ATP11C: variants seen among roughly 807,000 people sequenced by gnomAD.
ATP11C encodes the protein ATPase phospholipid transporting 11C (ATP11C blood group).
A neutral mutation model predicts 97.4 loss-of-function variants in ATP11C; 36 were observed. The ratio of observed to expected loss-of-function variants is 0.37; its 90% CI spans 0.28 to 0.49. ATP11C has a LOEUF of 0.49. Ranked by LOEUF, ATP11C falls within the 20% of genes least tolerant of loss-of-function variation. The pLI is 0.98. For missense variants in ATP11C, 730 were observed against 824.6 expected (o/e 0.89, Z 1.40); for synonymous variants, 275 against 290.9 (o/e 0.95, Z 0.56).
intron 1 of ATP11C, among the ~76,000 whole-genome samples, chrX:139,837,406 G>A (rs1427473015): frequency 8.9e-6 from 1 of 112,045 alleles, no homozygotes; most frequent in Admixed American, 9.4e-5. Context: ...TCAGTGGAAT[G>A]CAAGCAGCTT....
intron 1 of ATP11C, among the ~76,000 whole-genome samples, chrX:139,846,132 G>C (rs910467278): frequency 6.2e-5 from 7 of 112,277 alleles, no homozygotes; most frequent in Admixed American, 2.8e-4. Context: ...CCTCTTGTAT[G>C]AATCCAGGTA....
At chrX:139,861,769 TACACACACACAC>T (rs5904005) in intron 1 of ATP11C, among the ~76,000 whole-genome samples, 1 of 101,316 alleles carries the variant, frequency 9.9e-6, no homozygotes. Flanking sequence ...AATCCTGTTA[TACACACACACAC>T]ACACACACAC....
In ATP11C at chrX:139,799,947, C is replaced by T. The variant is rs1603374839; in HGVS notation, c.710+113G>A. On this transcript the variant is annotated intron_variant, in intron 8 of 29. Transcript: ENST00000682941. ...GATTACAGGCGTGAGCTACCGCACC[C>T]GGCCTATATTCCTTTCTATAATAGA... 1.0e-5 allele frequency: 7 copies of T among 669,168 alleles called. No individual in the cohort carries two copies. In the African/African-American group the frequency reaches 1.1e-4, roughly 11 times the overall value. 55.1% of individuals were successfully genotyped at this position (669,168 alleles called of 1,213,427 possible).
At chrX:139,764,313 T>C (rs2082093753) in intron 20 of ATP11C, among the ~76,000 whole-genome samples, 1 of 112,890 alleles carries the variant, frequency 8.9e-6, no homozygotes, top group Non-Finnish European at 1.9e-5. Flanking sequence ...CAGAAAGATG[T>C]CCAAGATATG....
At chrX:139,756,968 T>TAAAAAAAA (rs756085784) in intron 23 of ATP11C, among the ~76,000 whole-genome samples, 4 of 37,262 alleles carry the variant, frequency 1.1e-4, no homozygotes, top group African/African-American at 1.9e-4. Flanking sequence ...AACCTAAAAG[T>TAAAAAAAA]AAAAAAAAAA....
rs1603366435 is a variant in ATP11C, at chrX:139,787,487, A to G, written c.1521-243T>C. On this transcript the variant is annotated intron_variant, in intron 14 of 29. Transcript: ENST00000682941. ...TGATTTTTGTATTTTTAGTAGAGACAGAGTTTCACCATGTTGGCCAGGCTG... is the reference window on the plus strand; with the variant it reads ...TGATTTTTGTATTTTTAGTAGAGACGGAGTTTCACCATGTTGGCCAGGCTG... 6.3e-5 allele frequency among the ~76,000 whole-genome samples: 7 copies of G among 111,388 alleles called. No homozygotes were observed. The South Asian group carries it at 2.3e-3, about 36-fold the overall frequency.
At chrX:139,783,957 G>A (rs186521559) in intron 16 of ATP11C, among the ~76,000 whole-genome samples, 51 of 111,827 alleles carry the variant, frequency 4.6e-4, no homozygotes, top group African/African-American at 1.7e-3. Flanking sequence ...CAAACAAGCT[G>A]AAATAATTTT....
intron 1 of ATP11C, among the ~76,000 whole-genome samples, chrX:139,874,110 T>C (rs965431329): frequency 9.3e-6 from 1 of 107,340 alleles, no homozygotes; most frequent in Non-Finnish European, 1.9e-5. Context: ...TGGCACGATC[T>C]CGGCTCACTG....
chrX:139,765,600 A>G (rs891039061), intron 20 of ATP11C, among the ~76,000 whole-genome samples: 1 of 112,220 alleles, frequency 8.9e-6, no homozygotes, highest in African/African-American at 3.2e-5. Context: ...GAAAGAAAGA[A>G]AGGAGTATTC....
intron 2 of ATP11C, among the ~76,000 whole-genome samples, chrX:139,824,122 C>CAA (rs1453537912): frequency 1.8e-5 from 1 of 56,605 alleles, no homozygotes; most frequent in Non-Finnish European, 3.2e-5. Flanking sequence ...ACTAAAAATA[C>CAA]CAAAAAAAAA....
rs143609228 is a variant in ATP11C at position 139,803,413 on chromosome X, C to A, written c.555+1058G>T. The stretch of plus-strand genomic sequence containing the variant: ...AGATGGAATAAACAAACAGAGGAGC[C>A]CTCCAAGGACATACCCAGAGGTGAG... On this transcript the variant is annotated intron_variant, in intron 6 of 29. Coordinates refer to ENST00000682941, the MANE Select transcript of ATP11C (RefSeq NM_001353812.2). Among the ~76,000 whole-genome samples the A allele has an allele frequency of 5.5e-4, 61 of 110,845 alleles. No individual in the cohort carries two copies. The East Asian group carries it at 0.014, about 25-fold the overall frequency.
chrX:139,780,939 G>A (rs1442538606), intron 18 of ATP11C, among the ~76,000 whole-genome samples: 1 of 111,383 alleles, frequency 9.0e-6, no homozygotes, highest in Non-Finnish European at 1.9e-5. Context: ...GAAGACGGGA[G>A]GGGAGTGAGG....
chrX:139,804,464 C>A lies in ATP11C; in HGVS notation c.555+7G>T. 1 of 1,201,205 alleles carries A rather than the reference C, an allele frequency of 8.3e-7. No homozygotes were observed. On this transcript the variant is annotated splice_region_variant and intron_variant, in intron 6 of 29. Transcript: ENST00000682941. ...TCAAAATGTTTAGGCAAGGTTTAGTCTGTTACCTTGCAATTGGATTCCCCA... is the reference window on the plus strand; with the variant it reads ...TCAAAATGTTTAGGCAAGGTTTAGTATGTTACCTTGCAATTGGATTCCCCA...
At chrX:139,792,170 T>C (rs1476819808) in intron 12 of ATP11C, among the ~76,000 whole-genome samples, 1 of 109,955 alleles carries the variant, frequency 9.1e-6, no homozygotes, top group African/African-American at 3.3e-5. Flanking sequence ...TAATCAATCA[T>C]CCCCACATAA....
intron 1 of ATP11C, among the ~76,000 whole-genome samples, chrX:139,930,363 TAA>T (rs113839593): frequency 1.1e-5 from 1 of 94,377 alleles, no homozygotes; most frequent in Admixed American, 1.2e-4. Context: ...TTCAAATCCT[TAA>T]AAAAAAAAAA....
chrX:139,775,016 C>T, intron 18 of ATP11C, 63 bp from the exon 19 acceptor site: 1 of 1,074,550 alleles, frequency 9.3e-7, no homozygotes, highest in Non-Finnish European at 1.2e-6. Flanking sequence ...TACAGGAAGG[C>T]TTATTAAAGA....
rs565914073 is a variant in ATP11C, at chrX:139,885,046, GA to G, written c.27+46969del. 2.7e-5 allele frequency among the ~76,000 whole-genome samples: 3 copies of G among 111,092 alleles called. No homozygotes were observed. In the South Asian group the frequency reaches 1.1e-3, roughly 43 times the overall value. On this transcript the variant is annotated intron_variant, in intron 1 of 29. Transcript: ENST00000682941. ...ATGGCAAAGCTGAGATACAAATCAC[GA>G]TATCTAAAAGCCCAGATTTTAGATG... is the stretch of plus-strand genomic sequence containing the variant.
At chrX:139,877,508 A>T (rs2084492763) in intron 1 of ATP11C, among the ~76,000 whole-genome samples, 1 of 110,876 alleles carries the variant, frequency 9.0e-6, no homozygotes, top group Non-Finnish European at 1.9e-5. Flanking sequence ...CCACCCATTC[A>T]CCACAAGATA....
intron 1 of ATP11C, among the ~76,000 whole-genome samples, chrX:139,869,203 G>A (rs934563460): frequency 8.9e-6 from 1 of 112,182 alleles, no homozygotes; most frequent in Admixed American, 9.5e-5. Context: ...CAACAGCCAA[G>A]ATAAGGAAGC....
Sources: gnomAD v4.1 joint callset for allele counts (sites outside exome capture counted in the v4.1 genomes callset) on GRCh38, gnomAD v4.1.1 for gene constraint, MANE v1.5 for transcripts, NCBI Gene and HGNC (gene_info 2026-07-23, HGNC 2026-07-21) for gene names.